OPRM1: variants seen among roughly 807,000 people sequenced by gnomAD.
The protein encoded by OPRM1 is mu-type opioid receptor.
OPRM1 carries 27 observed loss-of-function variants against 31.8 expected under a neutral mutation model. The observed-to-expected ratio is 0.85, with a 90% CI of 0.63 to 1.17. OPRM1 has a LOEUF of 1.17. Among genes scored for constraint, OPRM1 ranks in the 50% most tolerant of loss-of-function variants. The pLI is 0.00. For missense variants in OPRM1, 536 were observed against 511.1 expected (o/e 1.05, Z -0.47); for synonymous variants, 196 against 189.9 (o/e 1.03, Z -0.26).
chr6:154,173,556 G>A (rs952500915), intron 3 of OPRM1, among the ~76,000 whole-genome samples: 2 of 152,034 alleles, frequency 1.3e-5, no homozygotes, highest in African/African-American at 2.4e-5. Context: ...TCAATCAAGT[G>A]GAAGAAAGGG....
chr6:154,100,215 TGACATATCGTA>T lies in OPRM1; in HGVS notation c.1164+8744_1164+8754del, dbSNP rs1794574299. ...TATCATAATATATATTATCATATTATGACATATCGTAATATATATTATCATATTATGACATA... is the reference window on the plus strand; with the variant it reads ...TATCATAATATATATTATCATATTATATATATATTATCATATTATGACATA... On this transcript the variant is annotated intron_variant, in intron 3 of 3. Coordinates refer to ENST00000330432, the MANE Select transcript of OPRM1 (RefSeq NM_000914.5). Among the ~76,000 whole-genome samples the T allele has an allele frequency of 3.2e-5, 4 of 125,890 alleles. 1 individual carries two copies. Among genetic ancestry groups the T allele is most frequent in the African/African-American group, 1.2e-4 (4 of 33,480 alleles). The allele number at this position is 125,890 out of a possible 152,430, so 82.6% of individuals were successfully genotyped here.
upstream of OPRM1, among the ~76,000 whole-genome samples, chr6:154,035,362 T>G (rs181000350): frequency 6.6e-6 from 1 of 152,166 alleles, no homozygotes; most frequent in African/African-American, 2.4e-5. Context: ...TCCATTTTAC[T>G]TGATATGTAT....
At chr6:154,101,894 A>G (rs1794884299) in intron 3 of OPRM1, among the ~76,000 whole-genome samples, 2 of 152,222 alleles carry the variant, frequency 1.3e-5, no homozygotes. Flanking sequence ...GGGAAGCATT[A>G]CAATTAGATA....
At chr6:154,114,915 C>T (rs1796710485) in intron 3 of OPRM1, among the ~76,000 whole-genome samples, 1 of 151,464 alleles carries the variant, frequency 6.6e-6, no homozygotes, top group South Asian at 2.1e-4. Flanking sequence ...GAACCAAAGC[C>T]AAGTTGTGAT....
At chr6:154,117,858 G>GGTGTGT (rs60794328) in intron 3 of OPRM1, among the ~76,000 whole-genome samples, 3,717 of 145,548 alleles carry the variant, frequency 0.026, 114 homozygotes, top group African/African-American at 0.069. Flanking sequence ...TTAAAAAGAT[G>GGTGTGT]GTGTGTGTGT....
At chr6:154,012,423 A>C (rs1777779325) in intron 1 of OPRM1, among the ~76,000 whole-genome samples, 1 of 152,038 alleles carries the variant, frequency 6.6e-6, no homozygotes, top group African/African-American at 2.4e-5. Flanking sequence ...TGAATATACA[A>C]ATTTTTGTAG....
At chr6:154,015,027 C>CTTA (rs1777926820) in intron 1 of OPRM1, among the ~76,000 whole-genome samples, 5 of 146,216 alleles carry the variant, frequency 3.4e-5, no homozygotes, top group African/African-American at 1.2e-4. Context: ...TCTTCAAAGA[C>CTTA]ACAAAAGTAA....
intron 3 of OPRM1, among the ~76,000 whole-genome samples, chr6:154,107,192 AG>A (rs759746096): frequency 3.7e-4 from 56 of 152,338 alleles, no homozygotes; most frequent in Non-Finnish European, 6.0e-4. Flanking sequence ...GGGACAGGAA[AG>A]GGGTCTCTGG....
intron 3 of OPRM1, among the ~76,000 whole-genome samples, chr6:154,152,332 AAAGAAAGAAAGAAAG>A (rs1562510586): frequency 1.6e-4 from 3 of 18,338 alleles, no homozygotes; most frequent in African/African-American, 5.5e-4. Context: ...AGAAAGAAAG[AAAGAAAGAAAGAAAG>A]GAAAGAAAGA....
chr6:154,197,345 G>C (rs1776698495), intron 3 of OPRM1, among the ~76,000 whole-genome samples: 1 of 152,130 alleles, frequency 6.6e-6, no homozygotes, highest in Non-Finnish European at 1.5e-5. Context: ...GCAAAGATTG[G>C]GTTGCTGTTT....
At chr6:154,087,594 A>C in intron 1 of OPRM1, 1 of 985,290 alleles carries the variant, frequency 1.0e-6, no homozygotes. Flanking sequence ...TCCTGCAGGA[A>C]AACTAATACA....
At chr6:154,226,336 G>A (rs900589979) in intron 3 of OPRM1, among the ~76,000 whole-genome samples, 1 of 152,060 alleles carries the variant, frequency 6.6e-6, no homozygotes, top group Non-Finnish European at 1.5e-5. Flanking sequence ...TATTCCCATG[G>A]GCCCCGCAAG....
At chr6:154,237,750 C>T (rs1780247398) in intron 3 of OPRM1, among the ~76,000 whole-genome samples, 1 of 152,118 alleles carries the variant, frequency 6.6e-6, no homozygotes, top group African/African-American at 2.4e-5. Context: ...ATCCACCTTA[C>T]TGCTGGCTTG....
chr6:154,043,030 A>G (rs747419993), intron 1 of OPRM1, among the ~76,000 whole-genome samples: 6 of 152,176 alleles, frequency 3.9e-5, no homozygotes, highest in Admixed American at 1.3e-4. Context: ...CCATAACTGC[A>G]AAAACTAATA....
intron 3 of OPRM1, among the ~76,000 whole-genome samples, chr6:154,235,510 G>A (rs184873026): frequency 1.4e-4 from 16 of 113,724 alleles, no homozygotes; most frequent in South Asian, 5.3e-4. Context: ...CAGCCTGGGC[G>A]ACAAGAGCAA....
intron 3 of OPRM1, among the ~76,000 whole-genome samples, chr6:154,191,012 C>T (rs1176892861): frequency 2.0e-5 from 3 of 152,016 alleles, no homozygotes; most frequent in South Asian, 4.2e-4. Context: ...GCCGAGATCG[C>T]GCCACTGCAC....
intron 3 of OPRM1, chr6:154,108,725 G>A: frequency 8.4e-6 from 8 of 950,654 alleles, no homozygotes; most frequent in Non-Finnish European, 1.0e-5. Flanking sequence ...AATCTTAGAA[G>A]AGACTCTAAC....
intron 1 of OPRM1, among the ~76,000 whole-genome samples, chr6:154,072,746 A>G (rs1004328892): frequency 6.6e-6 from 1 of 152,196 alleles, no homozygotes; most frequent in African/African-American, 2.4e-5. Context: ...CTGAGAGATA[A>G]GACAAAATGA....
At chr6:154,133,941 A>C (rs920940497), downstream of OPRM1, among the ~76,000 whole-genome samples, 4 of 152,242 alleles carry the variant, frequency 2.6e-5, no homozygotes, top group African/African-American at 9.6e-5. Flanking sequence ...TGTCCACTGG[A>C]AATGGCCTAT....
Sources: allele counts gnomAD v4.1 joint callset (sites outside exome capture counted in the v4.1 genomes callset), GRCh38; gene constraint gnomAD v4.1.1; transcripts MANE v1.5; gene names NCBI Gene and HGNC (gene_info 2026-07-23, HGNC 2026-07-21).